The following NBPF3 variants were observed in gnomAD, a reference collection of about 807,000 sequenced individuals.
The protein encoded by NBPF3 is NBPF family member NBPF3.
In NBPF3, 57 loss-of-function variants were observed where a neutral mutation model predicts 78.1. That is an observed-to-expected ratio of 0.73 (90% CI 0.59 to 0.91). The LOEUF is 0.91. Among genes scored for constraint, NBPF3 ranks in the 40% least tolerant of loss-of-function variants. The pLI, the probability that NBPF3 is intolerant of heterozygous loss-of-function variation, is 0.00. For synonymous variants in NBPF3, 182 were observed against 271.7 expected, an observed-to-expected ratio of 0.67 and a Z score of 3.25; for missense variants, 510 against 715.3, an observed-to-expected ratio of 0.71 and a Z score of 3.27.
At chr1:21,450,850 G>A (rs190249323) in intron 2 of NBPF3, among the ~76,000 whole-genome samples, 63 of 152,226 alleles carry the variant, frequency 4.1e-4, no homozygotes, top group Non-Finnish European at 8.2e-4. Context: ...TGCCCCTAAC[G>A]TGAAATGACG....
At chr1:21,440,956 T>C (rs1569894085) in intron 1 of NBPF3, 1 of 152,196 alleles carries the variant, frequency 6.6e-6, no homozygotes, top group African/African-American at 2.4e-5. Flanking sequence ...CTCCGAGGAG[T>C]TGCTGTGGTT....
chr1:21,446,997 C>G (rs1437190405), intron 2 of NBPF3, among the ~76,000 whole-genome samples: 4 of 152,262 alleles, frequency 2.6e-5, no homozygotes, highest in Non-Finnish European at 4.4e-5. Context: ...TCCAACTGCT[C>G]TGACTCCAGG....
intron 2 of NBPF3, among the ~76,000 whole-genome samples, chr1:21,450,218 A>G (rs1389063206): frequency 6.6e-6 from 1 of 152,052 alleles, no homozygotes; most frequent in Non-Finnish European, 1.5e-5. Context: ...AAGAGTTCCT[A>G]TTCTTGTTTG....
At chr1:21,477,714 ATAT>A (rs10594639) in intron 8 of NBPF3, among the ~76,000 whole-genome samples, 3,907 of 152,300 alleles carry the variant, frequency 0.026, 150 homozygotes, top group African/African-American at 0.088. Flanking sequence ...AAAAATAAAC[ATAT>A]TATATCAAAA....
chr1:21,471,806 T>C, intron 5 of NBPF3, 23 bp downstream of exon 5: 1 of 1,611,730 alleles, frequency 6.2e-7, no homozygotes, highest in Non-Finnish European at 8.5e-7. Flanking sequence ...TAGGCCCTGA[T>C]GACCCAAAAC....
upstream of NBPF3, chr1:21,437,403 G>A: frequency 9.6e-7 from 1 of 1,038,766 alleles, no homozygotes; most frequent in Non-Finnish European, 1.4e-6. Flanking sequence ...GTGGAATCCT[G>A]GCTCTCAAAC....
chr1:21,439,716 C>G (rs1172977583), upstream of NBPF3, among the ~76,000 whole-genome samples: 1 of 151,950 alleles, frequency 6.6e-6, no homozygotes, highest in Non-Finnish European at 1.5e-5. Context: ...CCAGGGCTCA[C>G]GCCTGGCCCT....
chr1:21,471,476 G>A, intron 4 of NBPF3, 93 bp from the exon 5 acceptor site: 1 of 1,591,118 alleles, frequency 6.3e-7, no homozygotes. Flanking sequence ...AGGTCTCCTT[G>A]AGGACATTGT....
intron 2 of NBPF3, chr1:21,454,090 C>T (rs1383164830): frequency 6.6e-6 from 1 of 152,240 alleles, no homozygotes; most frequent in African/African-American, 2.4e-5. Context: ...CTGCTACACT[C>T]CGAATGGAGG....
intron 8 of NBPF3, among the ~76,000 whole-genome samples, chr1:21,475,624 C>G (rs534084287): frequency 7.2e-5 from 11 of 152,176 alleles, no homozygotes; most frequent in Non-Finnish European, 1.5e-4. Context: ...GTCTGAGAGA[C>G]AGTTTGTTGT....
chr1:21,465,627 G>A (rs926285997), intron 2 of NBPF3, among the ~76,000 whole-genome samples: 5 of 152,176 alleles, frequency 3.3e-5, no homozygotes, highest in African/African-American at 7.2e-5. Flanking sequence ...CGAGCCCTTC[G>A]GGACACATGC....
At chr1:21,470,576 G>C in intron 3 of NBPF3, 56 bp from the exon 4 acceptor site, 8 of 1,405,292 alleles carry the variant, frequency 5.7e-6, no homozygotes, top group Non-Finnish European at 8.0e-6. Context: ...TGTAGGCAGT[G>C]ACCAGAGCAG....
intron 6 of NBPF3, among the ~76,000 whole-genome samples, chr1:21,473,134 C>A (rs1383787892): frequency 1.3e-5 from 2 of 152,198 alleles, no homozygotes; most frequent in East Asian, 3.8e-4. Flanking sequence ...GCTGAGTTTT[C>A]ATCCTCCTCG....
At chr1:21,465,242 C>G (rs1642195278) in intron 2 of NBPF3, among the ~76,000 whole-genome samples, 1 of 152,272 alleles carries the variant, frequency 6.6e-6, no homozygotes, top group South Asian at 2.1e-4. Flanking sequence ...TCCATTTCTT[C>G]ATCAGCAAAA....
intron 2 of NBPF3, chr1:21,453,935 C>CTG (rs1396029973): frequency 1.3e-5 from 2 of 152,178 alleles, no homozygotes; most frequent in Non-Finnish European, 2.9e-5. Context: ...ATGTGGGTGA[C>CTG]TGAGGAAAGG....
chr1:21,443,445 C>A (rs1183486563), intron 1 of NBPF3, among the ~76,000 whole-genome samples: 1 of 152,148 alleles, frequency 6.6e-6, no homozygotes, highest in African/African-American at 2.4e-5. Context: ...TTTTTACAAT[C>A]TTCCTGTCAA....
chr1:21,480,843 G>T, intron 11 of NBPF3, 87 bp from the exon 12 acceptor site: 1 of 665,462 alleles, frequency 1.5e-6, no homozygotes, highest in Non-Finnish European at 2.4e-6. Context: ...GGAGCCTGAG[G>T]TCCCTGTGTG....
At chr1:21,470,997 G>A (rs1308384463) in intron 4 of NBPF3, among the ~76,000 whole-genome samples, 3 of 152,022 alleles carry the variant, frequency 2.0e-5, no homozygotes, top group African/African-American at 7.2e-5. Flanking sequence ...AAAATTAACC[G>A]AAGGAGTGGG....
rs373970730 is a variant in NBPF3, at chr1:21,470,635, A to C, written c.347A>C (p.Tyr116Ser). ...FLANRQNNYD[Y>S]EDCKDLIKSM... ...AGGCGTGTGTGTCTTTTCTCAGACT[A>C]TGAAGACTGCAAAGACCTCATAAAA... The change falls in exon 4 of 15, where the codon TAT becomes TCT. Residue 116 changes from tyrosine (Y) to serine (S), a missense_variant. Around this residue, in one of 5 missense-constraint regions of NBPF3, gnomAD observed 440 missense variants for 478.2 expected, o/e 0.92. Coordinates refer to ENST00000318249, the MANE Select transcript of NBPF3 (RefSeq NM_032264.6). 1.9e-6 allele frequency: 3 copies of C among 1,591,458 alleles called. No individual in the cohort carries two copies. The highest frequency in any genetic ancestry group is 1.1e-5 in the South Asian group (1 of 90,806).
Sources: allele counts gnomAD v4.1 joint callset (sites outside exome capture counted in the v4.1 genomes callset), GRCh38; gene constraint gnomAD v4.1.1; regional missense constraint gnomAD v4.1.1; transcripts MANE v1.5; gene names NCBI Gene and HGNC (gene_info 2026-07-23, HGNC 2026-07-21).